Variants in RPH3AL observed in about 807,000 individuals in gnomAD.
The protein encoded by RPH3AL is rab effector Noc2.
In RPH3AL, 38 loss-of-function variants were observed where a neutral mutation model predicts 43.1. The observed-to-expected ratio is 0.88, with a 90% confidence interval of 0.68 to 1.15. The LOEUF (loss-of-function observed/expected upper bound fraction) is 1.15. RPH3AL is among the 50% of genes most tolerant of loss of function. RPH3AL has a pLI of 0.00. For missense variants in RPH3AL, 462 were observed against 423.2 expected (o/e 1.09, Z -0.81); for synonymous variants, 189 against 176.3 (o/e 1.07, Z -0.57).
At chr17:351,706 C>A (rs1349307673) in intron 1 of RPH3AL, among the ~76,000 whole-genome samples, 1 of 152,174 alleles carries the variant, frequency 6.6e-6, no homozygotes, top group African/African-American at 2.4e-5. Flanking sequence ...TTAAATCAAC[C>A]CACTCTTTTA....
intron 8 of RPH3AL, among the ~76,000 whole-genome samples, chr17:216,258 A>C (rs12947810): frequency 6.9e-5 from 10 of 145,168 alleles, no homozygotes; most frequent in African/African-American, 1.3e-4. Flanking sequence ...ACATGGCTGC[A>C]GGGCTCTGGC....
intron 6 of RPH3AL, among the ~76,000 whole-genome samples, chr17:267,584 C>T (rs970162575): frequency 1.3e-5 from 2 of 152,178 alleles, no homozygotes; most frequent in African/African-American, 4.8e-5. Context: ...CGGCAGGGCT[C>T]GAGGGTGGTG....
intron 7 of RPH3AL, among the ~76,000 whole-genome samples, chr17:227,234 T>TG (rs2041127457): frequency 6.6e-6 from 1 of 152,236 alleles, no homozygotes; most frequent in Non-Finnish European, 1.5e-5. Context: ...CCCACTTCTC[T>TG]GGGGAGAGGC....
chr17:235,331 T>C (rs71372180), intron 7 of RPH3AL, among the ~76,000 whole-genome samples: 79 of 114,314 alleles, frequency 6.9e-4, no homozygotes, highest in Non-Finnish European at 5.9e-4. Flanking sequence ...GCCGAGGCTC[T>C]GCACTAACAA....
In RPH3AL at chr17:223,385, G is replaced by A. The variant is rs542847758; in HGVS notation, c.614-3649C>T. On this transcript the variant is annotated intron_variant, in intron 7 of 9. Coordinates refer to ENST00000331302, the MANE Select transcript of RPH3AL (RefSeq NM_006987.4). ...GAGAAACTCAGCAGATGGGACAGGA[G>A]TCATGGGCGCCTGTCAGCGTTTTCC... 5.3e-5 allele frequency among the ~76,000 whole-genome samples: 8 copies of A among 152,266 alleles called. No individual in the cohort carries two copies. In the East Asian group the frequency reaches 9.7e-4, roughly 18 times the overall value.
At chr17:299,019 T>C (rs1389879134) in intron 5 of RPH3AL, among the ~76,000 whole-genome samples, 1 of 150,796 alleles carries the variant, frequency 6.6e-6, no homozygotes, top group Non-Finnish European at 1.5e-5. Context: ...CGTGGGGGTG[T>C]TTTCGACTTT....
At chr17:327,987 G>T (rs935348440) in intron 2 of RPH3AL, among the ~76,000 whole-genome samples, 1 of 152,186 alleles carries the variant, frequency 6.6e-6, no homozygotes, top group African/African-American at 2.4e-5. Flanking sequence ...GGGCTGGGGG[G>T]TGATGGCCAG....
rs535730632 is a variant in RPH3AL, at chr17:284,439, G to A, written c.352-2585C>T. On this transcript the variant is annotated intron_variant, in intron 5 of 9. Transcript: ENST00000331302. ...TCTGCTCAGGCGGGTCCCTGGGGAC[G>A]TGGCTGATGGCTCTCAAAACAATGG... is the stretch of plus-strand genomic sequence containing the variant. Among the ~76,000 whole-genome samples the A allele has an allele frequency of 2.6e-5, 4 of 152,296 alleles. No individual in the cohort carries two copies. The South Asian group carries it at 6.2e-4, about 24-fold the overall frequency.
chr17:281,210 C>T (rs1184403595), intron 6 of RPH3AL, among the ~76,000 whole-genome samples: 1 of 152,140 alleles, frequency 6.6e-6, no homozygotes, highest in African/African-American at 2.4e-5. Context: ...TGGGTGGCAT[C>T]GTGACAGCAG....
chr17:289,189 T>A lies in RPH3AL; in HGVS notation c.352-7335A>T, dbSNP rs977232988. 1.3e-5 allele frequency among the ~76,000 whole-genome samples: 2 copies of A among 152,026 alleles called. No homozygotes were observed. The highest frequency in any genetic ancestry group is 2.9e-5 in the Non-Finnish European group (2 of 67,996). On this transcript the variant is annotated intron_variant, in intron 5 of 9. Transcript: ENST00000331302. The surrounding 1 kb of genome is among the most constrained non-coding windows in gnomAD (Gnocchi z 5.2). ...GTAACAGGCCCCCCCACACCCCAGG[T>A]TGCAGATGAGGGGATCAAGGGAGAC... is the stretch of plus-strand genomic sequence containing the variant.
chr17:290,167 G>T lies in RPH3AL; in HGVS notation c.352-8313C>A, dbSNP rs1397284401. Among the ~76,000 whole-genome samples the T allele has an allele frequency of 6.6e-6, 1 of 152,272 alleles. No homozygotes were observed. The highest frequency in any genetic ancestry group is 1.5e-5 in the Non-Finnish European group (1 of 68,050). ...TGCCGGGAAGACAAGCTGCACGGAG[G>T]CGTGAAGGCACTCGCTCAGCGACAC... On this transcript the variant is annotated intron_variant, in intron 5 of 9. Coordinates refer to ENST00000331302, the MANE Select transcript of RPH3AL (RefSeq NM_006987.4). This position sits in a 1 kb window ranked among gnomAD's most constrained non-coding sequence, Gnocchi z 4.2.
chr17:315,387 TCCATTGACCTGTAGTCCCTGTGCCC>T (rs2043960036), intron 5 of RPH3AL, among the ~76,000 whole-genome samples: 1 of 151,352 alleles, frequency 6.6e-6, no homozygotes. Flanking sequence ...GTGCCCCACC[TCCATTGACCTGTAGTCCCTGTGCCC>T]CCACCTCCAT....
chr17:276,761 C>T (rs534286516), intron 6 of RPH3AL, among the ~76,000 whole-genome samples: 1 of 152,094 alleles, frequency 6.6e-6, no homozygotes, highest in Non-Finnish European at 1.5e-5. Context: ...TTTCACTATT[C>T]GCTCTCATTT....
chr17:282,838 G>A (rs868790355), intron 5 of RPH3AL, among the ~76,000 whole-genome samples: 2 of 152,200 alleles, frequency 1.3e-5, no homozygotes, highest in Admixed American at 6.5e-5. Context: ...GTGACACAGC[G>A]GAAAGTATTC....
chr17:240,220 A>G (rs2041495755), intron 7 of RPH3AL, among the ~76,000 whole-genome samples: 1 of 146,428 alleles, frequency 6.8e-6, no homozygotes, highest in South Asian at 2.3e-4. Context: ...CTGGGCAACA[A>G]GAGTGAAACT....
At chr17:337,112 C>T (rs7502551) in intron 1 of RPH3AL, among the ~76,000 whole-genome samples, 333 of 108,802 alleles carry the variant, frequency 3.1e-3, no homozygotes, top group African/African-American at 9.9e-3. Flanking sequence ...ACATCGGTTA[C>T]GCACCAATAA....
Position 303,561 on chromosome 17 carries a change from TA to T in RPH3AL, c.351+15858del, listed in dbSNP as rs2043389282. On this transcript the variant is annotated intron_variant, in intron 5 of 9. Transcript: ENST00000331302. ...AAGAGATGGGGAGGGAGGGAGGCTG[TA>T]CTGAGGTTTTAATAATTATTGAGCA... Among the ~76,000 whole-genome samples the T allele has an allele frequency of 2.1e-5, 2 of 93,596 alleles. 1 individual carries two copies. Among genetic ancestry groups the T allele is most frequent in the African/African-American group, 8.2e-5 (2 of 24,460 alleles). The allele number at this position is 93,596 out of a possible 152,430, so 61.4% of individuals were successfully genotyped here.
chr17:265,502 G>A (rs923030013), intron 6 of RPH3AL, among the ~76,000 whole-genome samples: 2 of 152,140 alleles, frequency 1.3e-5, no homozygotes, highest in Non-Finnish European at 2.9e-5. Context: ...ATTAAAACTA[G>A]GAAAAACGTT....
intron 6 of RPH3AL, among the ~76,000 whole-genome samples, chr17:278,771 C>T (rs953894843): frequency 3.3e-5 from 5 of 152,152 alleles, no homozygotes; most frequent in Non-Finnish European, 5.9e-5. Context: ...ATAGGAGGTG[C>T]TCAATAAATG....
Sources: allele counts gnomAD v4.1 joint callset (sites outside exome capture counted in the v4.1 genomes callset), GRCh38; gene constraint gnomAD v4.1.1; non-coding constraint Gnocchi (gnomAD v3.1); transcripts MANE v1.5; gene names NCBI Gene and HGNC (gene_info 2026-07-23, HGNC 2026-07-21).